PTPRM: variants seen among roughly 807,000 people sequenced by gnomAD.
PTPRM encodes the protein protein tyrosine phosphatase receptor type M.
PTPRM carries 47 observed loss-of-function variants against 186.7 expected under a neutral mutation model. The observed-to-expected ratio is 0.25, with a 90% CI of 0.20 to 0.32. The LOEUF (loss-of-function observed/expected upper bound fraction) is 0.32, where lower values mean the gene tolerates loss of function less well. Among genes scored for constraint, PTPRM ranks in the 10% least tolerant of loss-of-function variants. PTPRM has a pLI of 1.00. For missense variants in PTPRM, 1,494 were observed against 1,865.0 expected (o/e 0.80, Z 3.66); for synonymous variants, 668 against 674.9 (o/e 0.99, Z 0.16).
At chr18:7,851,254 C>A (rs1417065771) in intron 2 of PTPRM, among the ~76,000 whole-genome samples, 2 of 152,122 alleles carry the variant, frequency 1.3e-5, no homozygotes, top group African/African-American at 4.8e-5. Flanking sequence ...ATTGGAGTAT[C>A]TTCAGGAAAG....
rs5822991 is a variant in PTPRM at position 8,104,865 on chromosome 18, CT to C, written c.1857-8616del. 5.0e-3 allele frequency among the ~76,000 whole-genome samples: 761 copies of C among 152,220 alleles called. 4 individuals are homozygous for C. Among genetic ancestry groups the C allele is most frequent in the African/African-American group, 0.017 (724 of 41,538 alleles). On this transcript the variant is annotated intron_variant, in intron 11 of 32. Coordinates refer to ENST00000580170, the MANE Select transcript of PTPRM (RefSeq NM_001105244.2). ...GTGTTTTTCTGCTGGTATGTATGTTCTTTTTCCTTTCACCATTTTTATTAGT... is the reference window on the plus strand; with the variant it reads ...GTGTTTTTCTGCTGGTATGTATGTTCTTTTCCTTTCACCATTTTTATTAGT...
rs1435418362 is a variant in PTPRM, at chr18:8,376,102, T to A, written c.3228T>A (p.Asp1076Glu). 6.2e-7 allele frequency: 1 copy of A among 1,614,030 alleles called. No homozygotes were observed. Among genetic ancestry groups the A allele is most frequent in the Non-Finnish European group, 8.5e-7 (1 of 1,179,926 alleles). The change falls in exon 25 of 33, where the codon GAT (aspartate) becomes GAA (glutamate). Residue 1076 changes from aspartate (D) to glutamate (E), a missense_variant. By Grantham distance (45) the Asp-to-Glu change is conservative. Coordinates refer to ENST00000580170, the MANE Select transcript of PTPRM (RefSeq NM_001105244.2). ...IRQFHFTGWP[D>E]HGVPYHATGL... The stretch of plus-strand genomic sequence containing the variant: ...AGTTTCACTTCACTGGCTGGCCGGA[T>A]CATGGGGTCCCCTACCATGCCACCG...
chr18:8,224,750 C>T (rs998693723), intron 14 of PTPRM, among the ~76,000 whole-genome samples: 3 of 152,226 alleles, frequency 2.0e-5, no homozygotes, highest in Non-Finnish European at 4.4e-5. Flanking sequence ...ATAAACCCTT[C>T]ATCCTGTAGA....
intron 24 of PTPRM, among the ~76,000 whole-genome samples, chr18:8,372,283 C>G (rs1337325010): frequency 7.0e-6 from 1 of 142,836 alleles, no homozygotes; most frequent in Non-Finnish European, 1.5e-5. Flanking sequence ...ACCTTGTTAG[C>G]CAGGATGGTC....
intron 19 of PTPRM, among the ~76,000 whole-genome samples, chr18:8,278,044 A>G (rs955543673): frequency 3.3e-5 from 5 of 152,360 alleles, no homozygotes; most frequent in African/African-American, 9.6e-5. Flanking sequence ...GATTGTGAAC[A>G]GGTGGCACAC....
intron 7 of PTPRM, among the ~76,000 whole-genome samples, chr18:8,012,489 G>C (rs1234249583): frequency 1.3e-5 from 2 of 152,146 alleles, no homozygotes; most frequent in African/African-American, 2.4e-5. Flanking sequence ...TTTCATCATT[G>C]CATGAACACC....
chr18:8,370,551 T>C (rs72906464), intron 23 of PTPRM, among the ~76,000 whole-genome samples: 9,046 of 152,234 alleles, frequency 0.059, 499 homozygotes, highest in African/African-American at 0.15. Context: ...AGAGCTAAAA[T>C]ATTGCAAACT....
At chr18:7,670,809 G>T (rs1370938835) in intron 1 of PTPRM, among the ~76,000 whole-genome samples, 1 of 152,150 alleles carries the variant, frequency 6.6e-6, no homozygotes, top group Non-Finnish European at 1.5e-5. Flanking sequence ...GAATTCTGCA[G>T]ATAGTATTTC....
chr18:8,017,945 A>G (rs1040140151), intron 7 of PTPRM: 1 of 152,220 alleles, frequency 6.6e-6, no homozygotes, highest in Non-Finnish European at 1.5e-5. Flanking sequence ...AAGAATGATC[A>G]TAGAAACTGT....
intron 19 of PTPRM, among the ~76,000 whole-genome samples, chr18:8,285,282 G>A (rs184570665): frequency 1.3e-5 from 2 of 152,322 alleles, no homozygotes; most frequent in Non-Finnish European, 2.9e-5. Context: ...TAACCTACCT[G>A]TGGTCACACA....
intron 13 of PTPRM, among the ~76,000 whole-genome samples, chr18:8,138,696 C>G (rs1204762855): frequency 6.6e-6 from 1 of 152,104 alleles, no homozygotes; most frequent in African/African-American, 2.4e-5. Context: ...AAACATCAGC[C>G]CTCGTGGTTC....
chr18:8,303,617 A>G (rs1443834831), intron 20 of PTPRM, among the ~76,000 whole-genome samples: 1 of 152,236 alleles, frequency 6.6e-6, no homozygotes, highest in Non-Finnish European at 1.5e-5. Context: ...GGTAGAATAA[A>G]TAAATCCCTG....
At position 7,735,371 on chromosome 18, in the gene PTPRM, C is replaced by T. The variant is rs750450703; in HGVS notation, c.74-38778C>T. 5.9e-5 allele frequency among the ~76,000 whole-genome samples: 9 copies of T among 152,090 alleles called. No individual in the cohort carries two copies. The South Asian group carries it at 8.3e-4, about 14-fold the overall frequency. On this transcript the variant is annotated intron_variant, in intron 1 of 32. Coordinates refer to ENST00000580170, the MANE Select transcript of PTPRM (RefSeq NM_001105244.2). ...GAAGGTAGAAGAAGTTGCAGTGAGC[C>T]GAGATTGTGCCACTGCATTCCAGCC...
chr18:7,986,272 G>A (rs1394843586), intron 7 of PTPRM, among the ~76,000 whole-genome samples: 2 of 152,148 alleles, frequency 1.3e-5, no homozygotes, highest in African/African-American at 4.8e-5. Flanking sequence ...CCTTTTACAG[G>A]GTTTTGAAAT....
At chr18:8,332,937 C>T (rs1482647811) in intron 22 of PTPRM, among the ~76,000 whole-genome samples, 1 of 152,208 alleles carries the variant, frequency 6.6e-6, no homozygotes, top group Non-Finnish European at 1.5e-5. Flanking sequence ...GTGAACACTT[C>T]TAACCCTATT....
At chr18:7,998,712 T>A (rs1228035122) in intron 7 of PTPRM, among the ~76,000 whole-genome samples, 1 of 152,158 alleles carries the variant, frequency 6.6e-6, no homozygotes, top group Non-Finnish European at 1.5e-5. Context: ...TGGAGTGCAG[T>A]GGCACGATCT....
intron 7 of PTPRM, among the ~76,000 whole-genome samples, chr18:8,020,095 T>C (rs2085116153): frequency 6.6e-6 from 1 of 152,180 alleles, no homozygotes; most frequent in South Asian, 2.1e-4. Context: ...CATTTATCAT[T>C]AACTGTTTGC....
intron 19 of PTPRM, among the ~76,000 whole-genome samples, chr18:8,260,438 A>G (rs2147483852): frequency 6.6e-6 from 1 of 152,310 alleles, no homozygotes; most frequent in East Asian, 1.9e-4. Context: ...TGCTGGAGCT[A>G]CAGGCATGAA....
intron 1 of PTPRM, among the ~76,000 whole-genome samples, chr18:7,698,898 C>G (rs1179002640): frequency 6.6e-6 from 1 of 152,092 alleles, no homozygotes; most frequent in African/African-American, 2.4e-5. Flanking sequence ...AGGATCTATT[C>G]AAGTATTTTT....
Sources: allele counts gnomAD v4.1 joint callset (sites outside exome capture counted in the v4.1 genomes callset), GRCh38; gene constraint gnomAD v4.1.1; transcripts MANE v1.5; gene names NCBI Gene and HGNC (gene_info 2026-07-23, HGNC 2026-07-21).